KLF6: variants seen among roughly 807,000 people sequenced by gnomAD.
KLF6 encodes the protein KLF transcription factor 6.
For missense variants in KLF6, 233 were observed against 359.8 expected (o/e 0.65, Z 2.85); for synonymous variants, 152 against 147.9 (o/e 1.03, Z -0.20).
In KLF6 at chr10:3,785,044, C is replaced by T. The variant is rs1422527080; in HGVS notation, c.-30G>A. The T allele has an allele frequency of 3.1e-6, 5 of 1,610,066 alleles. No individual in the cohort carries two copies. Among genetic ancestry groups the T allele is most frequent in the Non-Finnish European group, 4.2e-6 (5 of 1,178,468 alleles). ...GGCCGGGTTGGACGGAGCCCGCGGT[C>T]GCGAGGGCGGCGAGGCGCGCGGTGG... On this transcript the variant is annotated 5_prime_UTR_variant, in exon 1 of 4. Coordinates refer to ENST00000497571, the MANE Select transcript of KLF6 (RefSeq NM_001300.6).
In KLF6 at chr10:3,780,746, TG is replaced by T; in HGVS notation, c.677-518del. 1 of 204,056 alleles carries T rather than the reference TG, an allele frequency of 4.9e-6. No homozygotes were observed. 12.6% of individuals were successfully genotyped at this position (204,056 alleles called of 1,614,324 possible). On this transcript the variant is annotated intron_variant, in intron 2 of 3. Coordinates refer to ENST00000497571, the MANE Select transcript of KLF6 (RefSeq NM_001300.6). This position sits in a 1 kb window ranked among gnomAD's most constrained non-coding sequence, Gnocchi z 4.6. Reference sequence around the variant, plus strand: ...CCGGAATCATTCTCTAAATGGCAATTGAACAACTGGGTTCACTTCATTCCTT... The same window carrying T: ...CCGGAATCATTCTCTAAATGGCAATTAACAACTGGGTTCACTTCATTCCTT...
chr10:3,781,633 G>A lies in KLF6; in HGVS notation c.676+8C>T, dbSNP rs1832523299. On this transcript the variant is annotated splice_region_variant and intron_variant, in intron 2 of 3. Coordinates refer to ENST00000497571, the MANE Select transcript of KLF6 (RefSeq NM_001300.6). The surrounding 1 kb of genome is among the most constrained non-coding windows in gnomAD (Gnocchi z 5.8). ...CGGCCGCCCTCCGGGGCCCGCGTGGGCACTGACCTGTGTGCGTCCGCTGGT... is the reference window on the plus strand; with the variant it reads ...CGGCCGCCCTCCGGGGCCCGCGTGGACACTGACCTGTGTGCGTCCGCTGGT... The A allele has an allele frequency of 1.9e-6, 3 of 1,612,708 alleles. No individual in the cohort carries two copies. Among genetic ancestry groups the A allele is most frequent in the Non-Finnish European group, 2.5e-6 (3 of 1,179,360 alleles).
chr10:3,776,933 T>TTTTTTTTTTTTTTTTTTTTTTTTTC lies in KLF6; in HGVS notation c.*2605_*2606insGAAAAAAAAAAAAAAAAAAAAAAAA. The TTTTTTTTTTTTTTTTTTTTTTTTTC allele has an allele frequency of 5.5e-6, 1 of 181,518 alleles. No individual in the cohort carries two copies. Among genetic ancestry groups the TTTTTTTTTTTTTTTTTTTTTTTTTC allele is most frequent in the Non-Finnish European group, 1.1e-5 (1 of 87,410 alleles). 11.2% of individuals were successfully genotyped at this position (181,518 alleles called of 1,614,324 possible). On this transcript the variant is annotated 3_prime_UTR_variant, in exon 4 of 4. Coordinates refer to ENST00000497571, the MANE Select transcript of KLF6 (RefSeq NM_001300.6). Reference sequence around the variant, plus strand: ...AGCCAGTGCAAGTTTTTTTTTTTCCTTTTTTTTTTTTTGTCTTTTGCTTAC... The same window carrying TTTTTTTTTTTTTTTTTTTTTTTTTC: ...AGCCAGTGCAAGTTTTTTTTTTTCCTTTTTTTTTTTTTTTTTTTTTTTTTCTTTTTTTTTTTTGTCTTTTGCTTAC...
At chr10:3,784,671 C>T (rs773082940) in intron 1 of KLF6, among the ~76,000 whole-genome samples, 3 of 151,904 alleles carry the variant, frequency 2.0e-5, no homozygotes, top group Non-Finnish European at 4.4e-5. Flanking sequence ...GCGTCTGGAG[C>T]GGGGACAGGC....
rs1165789380 is a variant in KLF6 at position 3,778,114 on chromosome 10, A to G, written c.*1425T>C. ...AAGTTGCCTAAAGTGTTGAACAAAT[A>G]CTGACATGTAAAGGGAGTTTCACTC... On this transcript the variant is annotated 3_prime_UTR_variant, in exon 4 of 4. Transcript: ENST00000497571. 1.9e-6 allele frequency: 1 copy of G among 517,286 alleles called. No individual in the cohort carries two copies. Among genetic ancestry groups the G allele is most frequent in the African/African-American group, 1.9e-5 (1 of 52,982 alleles). 32.0% of individuals were successfully genotyped at this position (517,286 alleles called of 1,614,324 possible). A position where few individuals can be genotyped will look rare whatever the true frequency, so the allele number is the denominator to read the frequency against.
chr10:3,784,672 G>T (rs1016481272), intron 1 of KLF6, among the ~76,000 whole-genome samples: 4 of 152,172 alleles, frequency 2.6e-5, no homozygotes, highest in Non-Finnish European at 5.9e-5. Flanking sequence ...CGTCTGGAGC[G>T]GGGACAGGCT....
Position 3,777,584 on chromosome 10 carries a change from A to C in KLF6, c.*1955T>G, listed in dbSNP as rs2131091560. 2.0e-6 allele frequency: 1 copy of C among 511,810 alleles called. No individual in the cohort carries two copies. Among genetic ancestry groups the C allele is most frequent in the East Asian group, 4.3e-5 (1 of 23,156 alleles). The allele number at this position is 511,810 out of a possible 1,614,324, so 31.7% of individuals were successfully genotyped here. A position where few individuals can be genotyped will look rare whatever the true frequency, so the allele number is the denominator to read the frequency against. On this transcript the variant is annotated 3_prime_UTR_variant, in exon 4 of 4. Coordinates refer to ENST00000497571, the MANE Select transcript of KLF6 (RefSeq NM_001300.6). ...AGCCCGGAACAGATTCAAGCAAGAA[A>C]GTCCTCCGCACATCGTTAAATTAAA...
intron 1 of KLF6, among the ~76,000 whole-genome samples, chr10:3,784,695 C>T (rs2131102359): frequency 6.6e-6 from 1 of 152,310 alleles, no homozygotes; most frequent in East Asian, 1.9e-4. Flanking sequence ...GAACTCGTGC[C>T]AGGGGCTCGG....
In KLF6 at chr10:3,776,702, C is replaced by CAAAAA; in HGVS notation, c.*2832_*2836dup. The CAAAAA allele has an allele frequency of 7.6e-6, 3 of 396,114 alleles. No homozygotes were observed. The highest frequency in any genetic ancestry group is 5.1e-5 in the African/African-American group (2 of 39,394). 24.5% of individuals were successfully genotyped at this position (396,114 alleles called of 1,614,324 possible). ...GATTCTTTAGATAACAGGGTGCTTC[C>CAAAAA]AAAAAAAAAAAAAAAAGAAATTTCA... On this transcript the variant is annotated 3_prime_UTR_variant, in exon 4 of 4. Coordinates refer to ENST00000497571, the MANE Select transcript of KLF6 (RefSeq NM_001300.6).
chr10:3,780,206 A>G lies in KLF6; in HGVS notation c.700T>C (p.Trp234Arg). ...GCAAAACGCCACTCACACCCTTCCC[A>G]TGAGCATCTGTAAGGCTTTTCTCCT... ...HTGEKPYRCSWEGCEWRFARS... is the reference protein window; with the variant it reads ...HTGEKPYRCSREGCEWRFARS... Residue 234 changes from tryptophan (W) to arginine (R), a missense_variant, in exon 3 of 4, where the codon TGG (tryptophan) becomes CGG (arginine). Trp to Arg is a moderately radical substitution (Grantham distance 101). Transcript: ENST00000497571. The surrounding 1 kb of genome is among the most constrained non-coding windows in gnomAD (Gnocchi z 4.6). 6.2e-7 allele frequency: 1 copy of G among 1,614,126 alleles called. No homozygotes were observed. Among genetic ancestry groups the G allele is most frequent in the Non-Finnish European group, 8.5e-7 (1 of 1,180,026 alleles).
In KLF6 at chr10:3,782,308, A is replaced by G; in HGVS notation, c.103-94T>C. The G allele has an allele frequency of 9.9e-7, 1 of 1,011,960 alleles. No homozygotes were observed. Among genetic ancestry groups the G allele is most frequent in the Non-Finnish European group, 1.5e-6 (1 of 658,200 alleles). 62.7% of individuals were successfully genotyped at this position (1,011,960 alleles called of 1,614,324 possible). A position where few individuals can be genotyped will look rare whatever the true frequency, so the allele number is the denominator to read the frequency against. On this transcript the variant is annotated intron_variant, in intron 1 of 3. Coordinates refer to ENST00000497571, the MANE Select transcript of KLF6 (RefSeq NM_001300.6). This position sits in a 1 kb window ranked among gnomAD's most constrained non-coding sequence, Gnocchi z 4.3. ...CCAAAAACATGCAAGAATGAAGGAC[A>G]GATAACATTGCTGCCCGGTCACTAC...
In KLF6 at chr10:3,778,234, C is replaced by T. The variant is rs1454847774; in HGVS notation, c.*1305G>A. ...AGGTGAAACAAGAGCCTTAATAAAG[C>T]ATGCATCGCCCACACCCCTGTATGA... is the stretch of plus-strand genomic sequence containing the variant. On this transcript the variant is annotated 3_prime_UTR_variant, in exon 4 of 4. Transcript: ENST00000497571. 1 of 526,524 alleles carries T rather than the reference C, an allele frequency of 1.9e-6. No individual in the cohort carries two copies. The highest frequency in any genetic ancestry group is 1.5e-5 in the South Asian group (1 of 65,112). The allele number at this position is 526,524 out of a possible 1,614,324, so 32.6% of individuals were successfully genotyped here.
rs560902244 is a variant in KLF6 at position 3,781,566 on chromosome 10, C to G, written c.676+75G>C. 26 of 1,586,268 alleles carry G rather than the reference C, an allele frequency of 1.6e-5. No individual in the cohort carries two copies. Among genetic ancestry groups the G allele is most frequent in the Non-Finnish European group, 2.1e-5 (25 of 1,166,384 alleles). Reference sequence around the variant, plus strand: ...TGACCACATCCTGTGCAGCCAGGCCCGGCTCCCTCCAGGGCTGGTGCAATG... The same window carrying G: ...TGACCACATCCTGTGCAGCCAGGCCGGGCTCCCTCCAGGGCTGGTGCAATG... On this transcript the variant is annotated intron_variant, in intron 2 of 3. Transcript: ENST00000497571. The surrounding 1 kb of genome is among the most constrained non-coding windows in gnomAD (Gnocchi z 5.8).
chr10:3,783,632 A>T lies in KLF6; in HGVS notation c.102+1281T>A, dbSNP rs146944391. 2.6e-3 allele frequency among the ~76,000 whole-genome samples: 394 copies of T among 152,356 alleles called. 4 individuals are homozygous for T. The highest frequency in any genetic ancestry group is 8.2e-3 in the African/African-American group (343 of 41,590). On this transcript the variant is annotated intron_variant, in intron 1 of 3. Transcript: ENST00000497571. ...ACCAGGCGTCTGAGTTACAATGCACACTACAGCGTTCTGAAGAGAGGCAGC... is the reference window on the plus strand; with the variant it reads ...ACCAGGCGTCTGAGTTACAATGCACTCTACAGCGTTCTGAAGAGAGGCAGC...
In KLF6 at chr10:3,779,357, G is replaced by A. The variant is rs912543964; in HGVS notation, c.*182C>T. 3 of 689,342 alleles carry A rather than the reference G, an allele frequency of 4.4e-6. No individual in the cohort carries two copies. Among genetic ancestry groups the A allele is most frequent in the East Asian group, 5.5e-5 (2 of 36,456 alleles). The allele number at this position is 689,342 out of a possible 1,614,324, so 42.7% of individuals were successfully genotyped here. ...GGGTCACCCACATACCATGCACCAC[G>A]GGTGCTATGCCGCTTCTTACAGGAC... is the stretch of plus-strand genomic sequence containing the variant. On this transcript the variant is annotated 3_prime_UTR_variant, in exon 4 of 4. Coordinates refer to ENST00000497571, the MANE Select transcript of KLF6 (RefSeq NM_001300.6).
rs1201561404 is a variant in KLF6 at position 3,777,993 on chromosome 10, A to T, written c.*1546T>A. 2 of 504,502 alleles carry T rather than the reference A, an allele frequency of 4.0e-6. No individual in the cohort carries two copies. The highest frequency in any genetic ancestry group is 7.8e-6 in the Non-Finnish European group (2 of 257,474). 31.3% of individuals were successfully genotyped at this position (504,502 alleles called of 1,614,324 possible). The stretch of plus-strand genomic sequence containing the variant: ...ATTAAATACAGCCGGTGTGTGATCT[A>T]TACAATTGTTGTGCAAGGTCTATAT... On this transcript the variant is annotated 3_prime_UTR_variant, in exon 4 of 4. Transcript: ENST00000497571.
In KLF6 at chr10:3,782,562, T is replaced by A. The variant is rs1358144664; in HGVS notation, c.103-348A>T. 6.6e-6 allele frequency among the ~76,000 whole-genome samples: 1 copy of A among 152,156 alleles called. No individual in the cohort carries two copies. The highest frequency in any genetic ancestry group is 1.9e-4 in the East Asian group (1 of 5,194). ...AACCAGAGGAAGAGAACCGGCCCCA[T>A]ACACATACTCCTCCCCAACAGGTTC... On this transcript the variant is annotated intron_variant, in intron 1 of 3. Transcript: ENST00000497571. The surrounding 1 kb of genome is among the most constrained non-coding windows in gnomAD (Gnocchi z 4.3).
Position 3,780,099 on chromosome 10 carries a change from C to T in KLF6, c.800+7G>A, listed in dbSNP as rs546944010. The T allele has an allele frequency of 5.6e-6, 9 of 1,614,188 alleles. No individual in the cohort carries two copies. In the South Asian group the frequency reaches 9.9e-5, roughly 18 times the overall value. On this transcript the variant is annotated splice_region_variant and intron_variant, in intron 3 of 3. Coordinates refer to ENST00000497571, the MANE Select transcript of KLF6 (RefSeq NM_001300.6). The surrounding 1 kb of genome is among the most constrained non-coding windows in gnomAD (Gnocchi z 4.6). ...CTCCTTGCCCAGCATTGTCCTCAGG[C>T]ACGTACCTGTCACAGTGGGAGCATT...
Position 3,780,694 on chromosome 10 carries a change from G to T in KLF6, c.677-465C>A. The T allele has an allele frequency of 3.9e-6, 1 of 259,250 alleles. No individual in the cohort carries two copies. Among genetic ancestry groups the T allele is most frequent in the Non-Finnish European group, 7.8e-6 (1 of 128,604 alleles). 16.1% of individuals were successfully genotyped at this position (259,250 alleles called of 1,614,324 possible). On this transcript the variant is annotated intron_variant, in intron 2 of 3. Transcript: ENST00000497571. The surrounding 1 kb of genome is among the most constrained non-coding windows in gnomAD (Gnocchi z 4.6). ...CCTTTCTACAAAGCTGAAGTTACGA[G>T]CTTCTGGAAAGCCCCAGTACAGGGC...
Sources: gnomAD v4.1 joint callset for allele counts (sites outside exome capture counted in the v4.1 genomes callset) on GRCh38, gnomAD v4.1.1 for gene constraint, Gnocchi (gnomAD v3.1) non-coding constraint, MANE v1.5 for transcripts, NCBI Gene and HGNC (gene_info 2026-07-23, HGNC 2026-07-21) for gene names.